The following PPP1R3A variants were observed in gnomAD, a reference collection of about 807,000 sequenced individuals.
The protein encoded by PPP1R3A is RG1.
A neutral mutation model predicts 41.7 loss-of-function variants in PPP1R3A; 29 were observed. The ratio of observed to expected loss-of-function variants is 0.70; its 90% CI spans 0.52 to 0.95. The LOEUF (loss-of-function observed/expected upper bound fraction) is 0.95, where lower values mean the gene tolerates loss of function less well. Ranked by LOEUF, PPP1R3A falls within the 40% of genes least tolerant of loss-of-function variation. The pLI, the probability that PPP1R3A is intolerant of heterozygous loss-of-function variation, is 0.00. For synonymous variants in PPP1R3A, 485 were observed against 453.4 expected (o/e 1.07, Z -0.89); for missense variants, 1,352 against 1,292.4 (o/e 1.05, Z -0.71).
chr7:113,879,292 A>C lies in PPP1R3A; in HGVS notation c.1800T>G (p.His600Gln), dbSNP rs753616630. Reference protein sequence around the residue: ...SWEEAVLTPEHHHLTSEGSAL... With the variant: ...SWEEAVLTPEQHHLTSEGSAL... ...CGCTGCCTTCACTAGTCAAATGATG[A>C]TGCTCTGGGGTTAACACAGCTTCTT... Residue 600 changes from histidine to glutamine, a missense_variant, in exon 4 of 4, where the codon CAT (histidine) becomes CAG (glutamine). By Grantham distance (24) the His-to-Gln change is conservative (BLOSUM62 0). Transcript: ENST00000284601. 1 of 1,613,664 alleles carries C rather than the reference A, an allele frequency of 6.2e-7. No homozygotes were observed. The highest frequency in any genetic ancestry group is 1.3e-5 in the African/African-American group (1 of 75,000).
At chr7:113,892,192 C>A (rs1190603029) in intron 1 of PPP1R3A, among the ~76,000 whole-genome samples, 6 of 152,014 alleles carry the variant, frequency 3.9e-5, no homozygotes, top group Non-Finnish European at 8.8e-5. Context: ...ATTTCTTTTG[C>A]TCTCCTTCTC....
At chr7:113,909,905 ATTAG>A (rs1319885001) in intron 1 of PPP1R3A, among the ~76,000 whole-genome samples, 4 of 152,220 alleles carry the variant, frequency 2.6e-5, no homozygotes, top group South Asian at 2.1e-4. Context: ...AGAGATATGT[ATTAG>A]TTTGTTCTCA....
At chr7:113,888,072 C>T (rs1796816757) in intron 1 of PPP1R3A, among the ~76,000 whole-genome samples, 1 of 150,716 alleles carries the variant, frequency 6.6e-6, no homozygotes, top group African/African-American at 2.4e-5. Flanking sequence ...CATCTAGAAA[C>T]AACAAAATGT....
At position 113,882,090 on chromosome 7, in the gene PPP1R3A, T is replaced by G; in HGVS notation, c.915A>C (p.Lys305Asn). The change falls in exon 3 of 4, where the codon AAA becomes AAC. Residue 305 changes from lysine (K) to asparagine (N), a missense_variant. Transcript: ENST00000284601. ...EDLEASNRNV[K>N]DVNREHDEHN... ...GTTCATCATGTTCCCTGTTTACATC[T>G]TTTACATTTCGATTACTGGCTTCCA... The G allele has an allele frequency of 6.2e-7, 1 of 1,612,502 alleles. No individual in the cohort carries two copies. The highest frequency in any genetic ancestry group is 1.1e-5 in the South Asian group (1 of 91,068).
At chr7:113,903,916 C>T (rs1797104693) in intron 1 of PPP1R3A, among the ~76,000 whole-genome samples, 1 of 151,696 alleles carries the variant, frequency 6.6e-6, no homozygotes, top group Non-Finnish European at 1.5e-5. Context: ...AAATGTTCTT[C>T]TGTTCCTTCT....
Position 113,879,413 on chromosome 7 carries a change from C to T in PPP1R3A, c.1679G>A (p.Arg560Lys). Reference sequence around the variant, plus strand: ...TTCGCTCAGCAGAGTAGCCAGGTCTCTGTTACTAGCTCCAATCCCTGCCAC... The same window carrying T: ...TTCGCTCAGCAGAGTAGCCAGGTCTTTGTTACTAGCTCCAATCCCTGCCAC... ...ISVAGIGASN[R>K]DLATLLSEHT... Residue 560 changes from arginine (R) to lysine (K), a missense_variant, in exon 4 of 4, where the codon AGA becomes AAA. By Grantham distance (26) the Arg-to-Lys change is conservative (BLOSUM62 2). Coordinates refer to ENST00000284601, the MANE Select transcript of PPP1R3A (RefSeq NM_002711.4). 1 of 1,613,524 alleles carries T rather than the reference C, an allele frequency of 6.2e-7. No homozygotes were observed.
At chr7:113,908,310 G>A (rs1797179504) in intron 1 of PPP1R3A, among the ~76,000 whole-genome samples, 1 of 151,894 alleles carries the variant, frequency 6.6e-6, no homozygotes, top group Non-Finnish European at 1.5e-5. Context: ...AAGAGATCAG[G>A]TTAAGTGAAA....
intron 1 of PPP1R3A, among the ~76,000 whole-genome samples, chr7:113,887,091 AT>A (rs1265994356): frequency 6.6e-6 from 1 of 151,974 alleles, no homozygotes; most frequent in Non-Finnish European, 1.5e-5. Flanking sequence ...TTCTTCTCTT[AT>A]TTCTTCATCT....
chr7:113,897,792 A>T (rs1304753952), intron 1 of PPP1R3A, among the ~76,000 whole-genome samples: 1 of 151,808 alleles, frequency 6.6e-6, no homozygotes, highest in African/African-American at 2.4e-5. Context: ...ATTCACTAAG[A>T]TGACTACTGT....
chr7:113,885,961 A>T (rs1796778512), intron 1 of PPP1R3A, among the ~76,000 whole-genome samples: 2 of 149,998 alleles, frequency 1.3e-5, no homozygotes, highest in South Asian at 4.2e-4. Context: ...GCAAGGGACA[A>T]GTAATTTTAT....
At chr7:113,911,244 G>T (rs1265420407) in intron 1 of PPP1R3A, among the ~76,000 whole-genome samples, 1 of 152,046 alleles carries the variant, frequency 6.6e-6, no homozygotes, top group East Asian at 1.9e-4. Context: ...TTCAAAACCA[G>T]TTGTTATTTT....
chr7:113,896,159 G>A (rs927088394), intron 1 of PPP1R3A, among the ~76,000 whole-genome samples: 2 of 151,788 alleles, frequency 1.3e-5, no homozygotes, highest in African/African-American at 2.4e-5. Flanking sequence ...AATTATGAAC[G>A]CAAAGCACTG....
At chr7:113,906,045 C>A (rs1797140072) in intron 1 of PPP1R3A, among the ~76,000 whole-genome samples, 2 of 151,704 alleles carry the variant, frequency 1.3e-5, no homozygotes, top group African/African-American at 2.4e-5. Flanking sequence ...TTAATCATTT[C>A]TTTAGAAGTC....
Position 113,905,414 on chromosome 7 carries a change from A to G in PPP1R3A, c.782+12801T>C, listed in dbSNP as rs150627999. ...AAATTCCCATTGCTTAAAGTTTACA[A>G]AAGTAAAAGCCCTTGCCTACAATAA... On this transcript the variant is annotated intron_variant, in intron 1 of 3. Coordinates refer to ENST00000284601, the MANE Select transcript of PPP1R3A (RefSeq NM_002711.4). Among the ~76,000 whole-genome samples, 434 of 151,890 alleles carry G rather than the reference A, an allele frequency of 2.9e-3. 2 individuals carry two copies. The highest frequency in any genetic ancestry group is 1.0e-2 in the African/African-American group (414 of 41,526).
At chr7:113,888,496 C>G (rs1481767986) in intron 1 of PPP1R3A, among the ~76,000 whole-genome samples, 1 of 152,182 alleles carries the variant, frequency 6.6e-6, no homozygotes, top group Non-Finnish European at 1.5e-5. Context: ...ACCTCAGCCG[C>G]ATTCATCAGA....
At position 113,878,349 on chromosome 7, in the gene PPP1R3A, G is replaced by A; in HGVS notation, c.2743C>T (p.Pro915Ser). The A allele has an allele frequency of 6.2e-7, 1 of 1,612,852 alleles. No individual in the cohort carries two copies. The highest frequency in any genetic ancestry group is 2.2e-5 in the East Asian group (1 of 44,834). ...ATTTCAGTATGATGTTTGGAAAAAGGAGAGCTATTCTGAGGAGCTCTATTA... is the reference window on the plus strand; with the variant it reads ...ATTTCAGTATGATGTTTGGAAAAAGAAGAGCTATTCTGAGGAGCTCTATTA... ...DTNRAPQNSS[P>S]FSKHHTEISV... Residue 915 changes from proline (P) to serine (S), a missense_variant, in exon 4 of 4, where the codon CCT becomes TCT. Transcript: ENST00000284601.
rs1796585051 is a variant in PPP1R3A, at chr7:113,877,421, A to G, written c.*302T>C. On this transcript the variant is annotated 3_prime_UTR_variant, in exon 4 of 4. Coordinates refer to ENST00000284601, the MANE Select transcript of PPP1R3A (RefSeq NM_002711.4). ...AAATGAATGCAAGAAATAGCACTTT[A>G]AGTAGTGAAGAGATGTGAAGCATTG... 4.1e-6 allele frequency: 1 copy of G among 244,656 alleles called. No homozygotes were observed. The highest frequency in any genetic ancestry group is 5.1e-5 in the Admixed American group (1 of 19,486). 15.2% of individuals were successfully genotyped at this position (244,656 alleles called of 1,614,324 possible). A position where few individuals can be genotyped will look rare whatever the true frequency, so the allele number is the denominator to read the frequency against.
Position 113,877,574 on chromosome 7 carries a change from GA to G in PPP1R3A, c.*148del, listed in dbSNP as rs1304869605. On this transcript the variant is annotated 3_prime_UTR_variant, in exon 4 of 4. Coordinates refer to ENST00000284601, the MANE Select transcript of PPP1R3A (RefSeq NM_002711.4). The stretch of plus-strand genomic sequence containing the variant: ...TCCTATATAGAATAATTACTTATAT[GA>G]AGGAGCAAACTTATTCGCGTCCCTT... 2.1e-5 allele frequency: 18 copies of G among 856,228 alleles called. No homozygotes were observed. Among genetic ancestry groups the G allele is most frequent in the Admixed American group, 1.6e-4 (6 of 37,948 alleles). The allele number at this position is 856,228 out of a possible 1,614,324, so 53.0% of individuals were successfully genotyped here. A position where few individuals can be genotyped will look rare whatever the true frequency, so the allele number is the denominator to read the frequency against.
At position 113,878,826 on chromosome 7, in the gene PPP1R3A, G is replaced by A; in HGVS notation, c.2266C>T (p.Pro756Ser). The A allele has an allele frequency of 6.2e-7, 1 of 1,613,422 alleles. No homozygotes were observed. Among genetic ancestry groups the A allele is most frequent in the Non-Finnish European group, 8.5e-7 (1 of 1,179,750 alleles). The change falls in exon 4 of 4, where the codon CCT (proline) becomes TCT (serine). Residue 756 changes from proline to serine, a missense_variant. Coordinates refer to ENST00000284601, the MANE Select transcript of PPP1R3A (RefSeq NM_002711.4). ...CTGTCACTTCGTGCTGTCTCTTGAGGTAGCTTAGCAATTATTGCTTTTTCT... is the reference window on the plus strand; with the variant it reads ...CTGTCACTTCGTGCTGTCTCTTGAGATAGCTTAGCAATTATTGCTTTTTCT... ...AREKAIIAKLPQETARSDRPI... is the reference protein window; with the variant it reads ...AREKAIIAKLSQETARSDRPI...
Sources: gnomAD v4.1 joint callset for allele counts (sites outside exome capture counted in the v4.1 genomes callset) on GRCh38, gnomAD v4.1.1 for gene constraint, MANE v1.5 for transcripts, NCBI Gene and HGNC (gene_info 2026-07-23, HGNC 2026-07-21) for gene names.